SHISA9: variants seen among roughly 807,000 people sequenced by gnomAD.
The protein encoded by SHISA9 is protein shisa-9.
SHISA9 carries 13 observed loss-of-function variants against 38.0 expected under a neutral mutation model. The observed-to-expected ratio is 0.34, with a 90% CI of 0.22 to 0.54. SHISA9 has a LOEUF of 0.54. Among genes scored for constraint, SHISA9 ranks in the 20% least tolerant of loss-of-function variants. SHISA9 has a pLI of 0.91. For missense variants in SHISA9, 538 were observed against 575.8 expected, an observed-to-expected ratio of 0.93 and a Z score of 0.67; for synonymous variants, 275 against 242.0, an observed-to-expected ratio of 1.14 and a Z score of -1.27.
chr16:13,278,118 G>A, the SHISA9 span, among the ~76,000 whole-genome samples: 3 of 151,840 alleles, frequency 2.0e-5, no homozygotes, highest in African/African-American at 7.2e-5. Flanking sequence ...GAGAGTTTTA[G>A]TCATAAAGTG....
intron 1 of SHISA9, among the ~76,000 whole-genome samples, chr16:12,915,105 C>T (rs1446322333): frequency 2.6e-5 from 4 of 152,172 alleles, no homozygotes; most frequent in Admixed American, 2.6e-4. Flanking sequence ...CCAAACACGG[C>T]AATTCTACTT....
chr16:13,272,514 C>T, the SHISA9 span, among the ~76,000 whole-genome samples: 70 of 152,160 alleles, frequency 4.6e-4, no homozygotes, highest in African/African-American at 1.6e-3. Flanking sequence ...AAGCGTGAGC[C>T]ACTGTACCCA....
At chr16:13,219,957 CAGAAAA>C (rs2051206915) in intron 4 of SHISA9, among the ~76,000 whole-genome samples, 2 of 151,808 alleles carry the variant, frequency 1.3e-5, no homozygotes, top group African/African-American at 4.8e-5. Flanking sequence ...GACTCCATCT[CAGAAAA>C]AGAAAAAAAG....
rs2050550662 is a variant in SHISA9 at position 13,156,715 on chromosome 16, CAG to C, written c.692-46676_692-46675del. Among the ~76,000 whole-genome samples, 4 of 124,372 alleles carry C rather than the reference CAG, an allele frequency of 3.2e-5. No homozygotes were observed. The South Asian group carries it at 1.0e-3, about 32-fold the overall frequency. 81.6% of individuals were successfully genotyped at this position (124,372 alleles called of 152,430 possible). A position where few individuals can be genotyped will look rare whatever the true frequency, so the allele number is the denominator to read the frequency against. The stretch of plus-strand genomic sequence containing the variant: ...CGCCACTACACTCCAGCCTGGGCAA[CAG>C]AGTGAGACTCCGTCTCAAAAAAAAA... On this transcript the variant is annotated intron_variant, in intron 2 of 4. Coordinates refer to ENST00000558583, the MANE Select transcript of SHISA9 (RefSeq NM_001145204.3).
chr16:13,395,975 T>G, the SHISA9 span, among the ~76,000 whole-genome samples: 1 of 152,072 alleles, frequency 6.6e-6, no homozygotes, highest in African/African-American at 2.4e-5. Context: ...AGAAAAAAAA[T>G]TAATCTCTTT....
chr16:13,359,236 G>A, the SHISA9 span, among the ~76,000 whole-genome samples: 1 of 151,710 alleles, frequency 6.6e-6, no homozygotes, highest in African/African-American at 2.4e-5. Context: ...ATATTTTTTG[G>A]GGGGAGGTCA....
the SHISA9 span, among the ~76,000 whole-genome samples, chr16:13,363,366 A>G: frequency 0.72 from 109,548 of 152,126 alleles, 39,511 homozygotes; most frequent in East Asian, 0.78. Context: ...TGCTTGGCAC[A>G]ATGACCGGCA....
chr16:13,456,580 A>G, the SHISA9 span, among the ~76,000 whole-genome samples: 1 of 152,216 alleles, frequency 6.6e-6, no homozygotes, highest in Non-Finnish European at 1.5e-5. Context: ...GTAATTTCCA[A>G]ACTCCTGGAA....
intron 4 of SHISA9, among the ~76,000 whole-genome samples, chr16:13,234,141 A>G (rs2051358509): frequency 6.6e-6 from 1 of 152,256 alleles, no homozygotes; most frequent in East Asian, 1.9e-4. Context: ...TATTGGCACA[A>G]TTAGAACACT....
chr16:13,197,901 C>T (rs546108053), intron 2 of SHISA9, among the ~76,000 whole-genome samples: 3 of 152,112 alleles, frequency 2.0e-5, no homozygotes, highest in Non-Finnish European at 4.4e-5. Context: ...ATTATATATG[C>T]GGGCCGGGCG....
At chr16:13,140,508 T>A (rs917323915) in intron 2 of SHISA9, among the ~76,000 whole-genome samples, 2 of 151,970 alleles carry the variant, frequency 1.3e-5, no homozygotes, top group Non-Finnish European at 2.9e-5. Context: ...TACCTAAACA[T>A]CTCCTTATTT....
chr16:13,318,190 G>C, the SHISA9 span, among the ~76,000 whole-genome samples: 1 of 152,078 alleles, frequency 6.6e-6, no homozygotes, highest in South Asian at 2.1e-4. Flanking sequence ...TCATACTATT[G>C]ACATTTTATC....
chr16:13,461,573 C>T, the SHISA9 span, among the ~76,000 whole-genome samples: 2 of 140,392 alleles, frequency 1.4e-5, no homozygotes, highest in East Asian at 4.1e-4. Context: ...GAGCAAAACT[C>T]CCTCTCAAAA....
chr16:13,117,555 A>G (rs115620160), intron 2 of SHISA9, among the ~76,000 whole-genome samples: 249 of 152,278 alleles, frequency 1.6e-3, no homozygotes, highest in African/African-American at 5.9e-3. Context: ...TCTGCTAGCA[A>G]TTGTTCTAGA....
intron 1 of SHISA9, among the ~76,000 whole-genome samples, chr16:12,903,942 T>G (rs891276974): frequency 7.7e-6 from 1 of 129,932 alleles, no homozygotes; most frequent in Non-Finnish European, 1.6e-5. Context: ...TCCGATGAGA[T>G]TTTTTTTTTT....
intron 2 of SHISA9, among the ~76,000 whole-genome samples, chr16:13,003,764 A>G (rs1211617184): frequency 5.3e-5 from 8 of 152,184 alleles, no homozygotes. Context: ...AGGCTGAGCC[A>G]GGAGAATCGC....
At chr16:12,921,130 C>T (rs1040196334) in intron 2 of SHISA9, among the ~76,000 whole-genome samples, 1 of 152,188 alleles carries the variant, frequency 6.6e-6, no homozygotes, top group Non-Finnish European at 1.5e-5. Context: ...ATTCCATATA[C>T]CCTTACAACC....
chr16:13,029,480 C>T (rs1003737024), intron 2 of SHISA9, among the ~76,000 whole-genome samples: 11 of 152,302 alleles, frequency 7.2e-5, no homozygotes, highest in African/African-American at 2.4e-4. Flanking sequence ...TGGTGGCACA[C>T]GCTTGTGGTC....
At chr16:13,328,118 TC>T in the SHISA9 span, among the ~76,000 whole-genome samples, 4 of 152,076 alleles carry the variant, frequency 2.6e-5, no homozygotes, top group Admixed American at 6.5e-5. Context: ...TATTTCCCAT[TC>T]CCCCTCCTCT....
Sources: gnomAD v4.1 joint callset for allele counts (sites outside exome capture counted in the v4.1 genomes callset) on GRCh38, gnomAD v4.1.1 for gene constraint, MANE v1.5 for transcripts, NCBI Gene and HGNC (gene_info 2026-07-23, HGNC 2026-07-21) for gene names.